The following ANKS1B variants were observed in gnomAD, a reference collection of about 807,000 sequenced individuals.
ANKS1B encodes the protein ankyrin repeat and sterile alpha motif domain containing 1B, also known as ankyrin repeat and sterile alpha motif domain-containing protein 1B.
ANKS1B carries 36 observed loss-of-function variants against 148.3 expected under a neutral mutation model. The observed-to-expected ratio is 0.24, with a 90% CI of 0.19 to 0.32. The LOEUF (loss-of-function observed/expected upper bound fraction) is 0.32. Ranked by LOEUF, ANKS1B falls within the 10% of genes least tolerant of loss-of-function variation. ANKS1B has a pLI of 1.00. For missense variants in ANKS1B, 1,157 were observed against 1,542.6 expected (o/e 0.75, Z 4.19); for synonymous variants, 542 against 560.8 (o/e 0.97, Z 0.47).
chr12:99,561,857 T>C (rs919114629), intron 9 of ANKS1B, among the ~76,000 whole-genome samples: 5 of 152,218 alleles, frequency 3.3e-5, no homozygotes, highest in Non-Finnish European at 4.4e-5. Flanking sequence ...GAATCACAAA[T>C]GTTCTTAATA....
At chr12:99,390,866 G>A (rs182957118) in intron 12 of ANKS1B, among the ~76,000 whole-genome samples, 85 of 152,348 alleles carry the variant, frequency 5.6e-4, no homozygotes, top group African/African-American at 1.9e-3. Flanking sequence ...AGAGGTGACC[G>A]CTGCAGAGGC....
At chr12:99,485,274 A>G (rs555839588) in intron 10 of ANKS1B, among the ~76,000 whole-genome samples, 1 of 152,024 alleles carries the variant, frequency 6.6e-6, no homozygotes, top group African/African-American at 2.4e-5. Context: ...TGTGAAACTT[A>G]GTTTTGTGGG....
chr12:98,882,441 A>G (rs1288592788), intron 17 of ANKS1B, among the ~76,000 whole-genome samples: 1 of 152,216 alleles, frequency 6.6e-6, no homozygotes, highest in African/African-American at 2.4e-5. Flanking sequence ...TTTGATTATG[A>G]TCAGCCAGTT....
chr12:99,346,935 T>C (rs2090775211), intron 12 of ANKS1B, among the ~76,000 whole-genome samples: 1 of 152,014 alleles, frequency 6.6e-6, no homozygotes, highest in Admixed American at 6.6e-5. Context: ...AAGAGGTTTA[T>C]AGTATTTTAA....
At chr12:99,128,190 T>C (rs2064983035) in intron 15 of ANKS1B, among the ~76,000 whole-genome samples, 1 of 152,174 alleles carries the variant, frequency 6.6e-6, no homozygotes, top group Admixed American at 6.5e-5. Flanking sequence ...CAATTCTAAG[T>C]GCGGCACATA....
chr12:99,653,219 T>G (rs576275803), intron 9 of ANKS1B, among the ~76,000 whole-genome samples: 1 of 152,030 alleles, frequency 6.6e-6, no homozygotes, highest in Admixed American at 6.5e-5. Flanking sequence ...AAAGCAAATG[T>G]TAGTAAGGTG....
chr12:99,716,496 T>A (rs2057353079), intron 8 of ANKS1B, among the ~76,000 whole-genome samples: 1 of 152,054 alleles, frequency 6.6e-6, no homozygotes. Context: ...ACTTAAAACC[T>A]CTTCAACTCA....
chr12:99,584,364 C>A (rs1257600104), intron 9 of ANKS1B, among the ~76,000 whole-genome samples: 8 of 152,070 alleles, frequency 5.3e-5, no homozygotes, highest in Admixed American at 5.2e-4. Context: ...CTTTGTGAAG[C>A]CGAGGAGGGA....
At chr12:99,454,430 G>A (rs1224542719) in intron 10 of ANKS1B, among the ~76,000 whole-genome samples, 2 of 152,118 alleles carry the variant, frequency 1.3e-5, no homozygotes, top group Admixed American at 1.3e-4. Context: ...AAGCCAATAA[G>A]AACTTTGGTC....
intron 8 of ANKS1B, among the ~76,000 whole-genome samples, chr12:99,701,586 T>C (rs1350721209): frequency 6.6e-6 from 1 of 152,108 alleles, no homozygotes; most frequent in African/African-American, 2.4e-5. Flanking sequence ...AACATATTAT[T>C]GCCGACTACA....
intron 10 of ANKS1B, among the ~76,000 whole-genome samples, chr12:99,493,427 T>A (rs545622466): frequency 7.3e-5 from 11 of 151,666 alleles, no homozygotes; most frequent in African/African-American, 2.7e-4. Context: ...GAAACTATTA[T>A]AATAGTCCAA....
chr12:99,655,305 C>T (rs11109978), intron 8 of ANKS1B, 95 bp from the exon 9 acceptor site: 129,734 of 1,158,126 alleles, frequency 0.11, 12,373 homozygotes, highest in East Asian at 0.45. Context: ...TGGTATATCT[C>T]GGCAAACAAG....
intron 17 of ANKS1B, among the ~76,000 whole-genome samples, chr12:98,892,554 T>C (rs531875880): frequency 5.3e-5 from 8 of 152,374 alleles, no homozygotes; most frequent in African/African-American, 7.2e-5. Context: ...AGTAAATTAA[T>C]AGACAAGAAA....
chr12:99,618,949 T>C (rs1005475410), intron 9 of ANKS1B, among the ~76,000 whole-genome samples: 1 of 152,104 alleles, frequency 6.6e-6, no homozygotes, highest in Non-Finnish European at 1.5e-5. Context: ...GGCACTGGAA[T>C]TGTACTCTAC....
At chr12:99,942,436 G>C (rs1330809377) in intron 1 of ANKS1B, among the ~76,000 whole-genome samples, 1 of 152,128 alleles carries the variant, frequency 6.6e-6, no homozygotes, top group African/African-American at 2.4e-5. Flanking sequence ...TGAGGCAGTG[G>C]AGATAGCTGG....
chr12:99,749,523 T>C (rs1307074687), intron 8 of ANKS1B, among the ~76,000 whole-genome samples: 1 of 152,040 alleles, frequency 6.6e-6, no homozygotes, highest in African/African-American at 2.4e-5. Flanking sequence ...CATAAATCAG[T>C]TTGAATTGGT....
rs369063659 is a variant in ANKS1B at position 99,351,364 on chromosome 12, G to T, written c.1756+48267C>A. Among the ~76,000 whole-genome samples, 106 of 151,962 alleles carry T rather than the reference G, an allele frequency of 7.0e-4. 2 individuals are homozygous for T. The South Asian group carries it at 0.021, about 30-fold the overall frequency. ...TAATTTTAAATTAAACTTTTTGGGG[G>T]TGGTCTTTTATAATTTTTAATTTTG... is the stretch of plus-strand genomic sequence containing the variant. On this transcript the variant is annotated intron_variant, in intron 12 of 26. Coordinates refer to ENST00000683438, the MANE Select transcript of ANKS1B (RefSeq NM_001352186.2).
chr12:99,820,519 C>T (rs1161847914), intron 2 of ANKS1B, among the ~76,000 whole-genome samples: 2 of 151,894 alleles, frequency 1.3e-5, no homozygotes, highest in Non-Finnish European at 2.9e-5. Flanking sequence ...CAGATGGATA[C>T]AACAACAGCG....
chr12:99,357,325 C>CT (rs2092089927), intron 12 of ANKS1B, among the ~76,000 whole-genome samples: 1 of 151,724 alleles, frequency 6.6e-6, no homozygotes, highest in Non-Finnish European at 1.5e-5. Context: ...TGTTAGGCAA[C>CT]TTTTTAGCAT....
Sources: gnomAD v4.1 joint callset for allele counts (sites outside exome capture counted in the v4.1 genomes callset) on GRCh38, gnomAD v4.1.1 for gene constraint, MANE v1.5 for transcripts, NCBI Gene and HGNC (gene_info 2026-07-23, HGNC 2026-07-21) for gene names.